Variants in PRH1 observed in about 807,000 individuals in gnomAD.
PRH1 encodes proline rich protein HaeIII subfamily 1, also known as salivary acidic proline-rich phosphoprotein 1/2.
In PRH1, 7 loss-of-function variants were observed where a neutral mutation model predicts 7.9. The observed-to-expected ratio is 0.89, with a 90% confidence interval of 0.50 to 1.67. The LOEUF is 1.67. Among genes scored for constraint, PRH1 ranks in the 40% most tolerant of loss-of-function variants. The probability of loss-of-function intolerance (pLI) is 0.00; values close to 1 mark genes in which losing one functional copy is unlikely to be tolerated. For synonymous variants in PRH1, 45 were observed against 80.8 expected (o/e 0.56, Z 2.38); for missense variants, 109 against 223.6 (o/e 0.49, Z 3.27).
Position 11,092,325 on chromosome 12 carries a change from A to G in PRH1, n.124-45137T>C, listed in dbSNP as rs1944949455. The G allele has an allele frequency of 5.2e-6, 2 of 386,734 alleles. 1 individual carries two copies. Among genetic ancestry groups the G allele is most frequent in the Admixed American group, 1.2e-4 (2 of 16,924 alleles). 24.0% of individuals were successfully genotyped at this position (386,734 alleles called of 1,614,324 possible). A position where few individuals can be genotyped will look rare whatever the true frequency, so the allele number is the denominator to read the frequency against. On this transcript the variant is annotated intron_variant and non_coding_transcript_variant, in intron 1 of 4. Coordinates refer to the PRH1 transcript ENST00000541977. ...CGTGGTCTCGCTGACTTCAAAAGGG[A>G]GCCACTGACCTTCACGGTGAGTGTT...
intron 1 of PRH1, among the ~76,000 whole-genome samples, chr12:10,978,142 A>G (rs1939193418): frequency 6.6e-6 from 1 of 152,048 alleles, no homozygotes; most frequent in South Asian, 2.1e-4. Flanking sequence ...AACAAGCTGG[A>G]GGCACATTAC....
intron 3 of PRH1, 23 bp from the exon 4 acceptor site, chr12:10,881,079 G>T (rs983053669): frequency 1.1e-5 from 2 of 184,646 alleles, no homozygotes; most frequent in African/African-American, 4.7e-5. Flanking sequence ...AGCAAACAAG[G>T]AAGATTACAG....
intron 3 of PRH1, among the ~76,000 whole-genome samples, chr12:10,881,359 T>G (rs1451563364): frequency 6.6e-6 from 1 of 152,216 alleles, no homozygotes; most frequent in Non-Finnish European, 1.5e-5. Flanking sequence ...CTGCAACATA[T>G]CATATAATAG....
At chr12:10,886,157 C>T (rs531812117), upstream of PRH1, among the ~76,000 whole-genome samples, 6 of 152,254 alleles carry the variant, frequency 3.9e-5, no homozygotes, top group Admixed American at 6.5e-5. Flanking sequence ...GCTCCCAATG[C>T]GTTATGGAGA....
At position 11,091,869 on chromosome 12, in the gene PRH1, A is replaced by G. The variant is rs1407340110; in HGVS notation, n.124-44681T>C. The G allele has an allele frequency of 2.3e-6, 3 of 1,329,014 alleles. No homozygotes were observed. The East Asian group carries it at 6.8e-5, about 30-fold the overall frequency. 82.3% of individuals were successfully genotyped at this position (1,329,014 alleles called of 1,614,324 possible). Reference sequence around the variant, plus strand: ...ATGACACTCTTAACTCTCCTCTTTAAGTGAAGAAAAATAAAGTTGGAGAAA... The same window carrying G: ...ATGACACTCTTAACTCTCCTCTTTAGGTGAAGAAAAATAAAGTTGGAGAAA... On this transcript the variant is annotated intron_variant and non_coding_transcript_variant, in intron 1 of 4. Transcript: ENST00000541977.
intron 2 of PRH1, among the ~76,000 whole-genome samples, chr12:10,945,755 A>G (rs559769758): frequency 2.0e-5 from 3 of 152,244 alleles, no homozygotes; most frequent in Non-Finnish European, 1.5e-5. Context: ...GCTACGGGAG[A>G]CCAGAGCTTA....
intron 1 of PRH1, among the ~76,000 whole-genome samples, chr12:11,012,251 T>C (rs1365963846): frequency 6.6e-6 from 1 of 152,154 alleles, no homozygotes; most frequent in African/African-American, 2.4e-5. Flanking sequence ...ATATTATTTC[T>C]TTCCAGTTGT....
At chr12:11,072,101 G>A (rs2136210171) in intron 1 of PRH1, among the ~76,000 whole-genome samples, 3 of 152,080 alleles carry the variant, frequency 2.0e-5, no homozygotes, top group African/African-American at 7.2e-5. Flanking sequence ...CTGTGTAACT[G>A]GGACTACAGG....
intron 1 of PRH1, among the ~76,000 whole-genome samples, chr12:11,054,866 G>C (rs923130057): frequency 8.1e-6 from 1 of 123,620 alleles, no homozygotes; most frequent in Non-Finnish European, 1.6e-5. Flanking sequence ...GCAGTGGCGA[G>C]ATCTCGGCTC....
intron 1 of PRH1, among the ~76,000 whole-genome samples, chr12:11,114,972 G>A (rs1356071046): frequency 6.6e-6 from 1 of 152,008 alleles, no homozygotes; most frequent in African/African-American, 2.4e-5. Flanking sequence ...AAAATAGGAA[G>A]GTAGGAAAGA....
intron 2 of PRH1, among the ~76,000 whole-genome samples, chr12:10,923,099 A>C (rs181081355): frequency 1.3e-4 from 19 of 149,088 alleles, no homozygotes; most frequent in Middle Eastern, 3.5e-3. Context: ...AAGTGCTGGG[A>C]TTACAGGCGT....
At chr12:11,016,150 G>C (rs542874601) in intron 1 of PRH1, among the ~76,000 whole-genome samples, 1 of 152,334 alleles carries the variant, frequency 6.6e-6, no homozygotes, top group East Asian at 1.9e-4. Context: ...AGTTACTTCT[G>C]CACAGGAAGG....
chr12:10,967,038 C>T (rs1210167353), intron 2 of PRH1, among the ~76,000 whole-genome samples: 26 of 151,142 alleles, frequency 1.7e-4, no homozygotes, highest in Admixed American at 1.7e-3. Context: ...TGGTGTGAAC[C>T]CCGGAGGCGG....
chr12:10,961,508 G>A (rs1938233027), intron 2 of PRH1, among the ~76,000 whole-genome samples: 1 of 146,856 alleles, frequency 6.8e-6, no homozygotes, highest in Non-Finnish European at 1.5e-5. Flanking sequence ...TGGAAGACAT[G>A]AGCAAATCTG....
At chr12:11,133,908 A>G in intron 1 of PRH1, 2 of 1,614,144 alleles carry the variant, frequency 1.2e-6, no homozygotes. Flanking sequence ...AGGTTGGAGA[A>G]ATTGGCAATC....
chr12:11,117,081 C>T (rs911967179), downstream of PRH1, among the ~76,000 whole-genome samples: 1 of 151,942 alleles, frequency 6.6e-6, no homozygotes, highest in African/African-American at 2.4e-5. Context: ...AGCAATCACT[C>T]AAGAAAAATA....
At chr12:10,981,437 G>A (rs1214029280) in intron 1 of PRH1, among the ~76,000 whole-genome samples, 1 of 137,332 alleles carries the variant, frequency 7.3e-6, no homozygotes, top group Non-Finnish European at 1.5e-5. Context: ...TCAGTGGCAT[G>A]ATCTCAGCTC....
intron 2 of PRH1, among the ~76,000 whole-genome samples, chr12:10,905,137 A>G (rs1949785107): frequency 6.6e-6 from 1 of 152,128 alleles, no homozygotes; most frequent in East Asian, 1.9e-4. Context: ...CAAAGAACTT[A>G]AAATAAACTA....
chr12:11,147,393 T>C (rs970632699), intron 1 of PRH1, among the ~76,000 whole-genome samples: 4 of 151,988 alleles, frequency 2.6e-5, no homozygotes, highest in African/African-American at 9.7e-5. Context: ...TCACCAGGTT[T>C]CCCAGGCTGG....
Sources: gnomAD v4.1 joint callset for allele counts (sites outside exome capture counted in the v4.1 genomes callset) on GRCh38, gnomAD v4.1.1 for gene constraint, MANE v1.5 for transcripts, NCBI Gene and HGNC (gene_info 2026-07-23, HGNC 2026-07-21) for gene names.